The following ADAMTS12 variants were observed in gnomAD, a reference collection of about 807,000 sequenced individuals.
The protein encoded by ADAMTS12 is A disintegrin and metalloproteinase with thrombospondin motifs 12.
Under a neutral mutation model 167.8 loss-of-function variants are expected in ADAMTS12, and 118 were observed. That is an observed-to-expected ratio of 0.70 (90% CI 0.61 to 0.82). The LOEUF is 0.82. ADAMTS12 is among the 40% of genes least tolerant of loss of function. The probability of loss-of-function intolerance (pLI) is 0.00; values close to 1 mark genes in which losing one functional copy is unlikely to be tolerated. For missense variants in ADAMTS12, 1,916 were observed against 1,998.8 expected (o/e 0.96, Z 0.79); for synonymous variants, 704 against 716.9 (o/e 0.98, Z 0.29).
intron 1 of ADAMTS12, among the ~76,000 whole-genome samples, chr5:33,882,505 T>G (rs1374277258): frequency 6.6e-6 from 1 of 152,196 alleles, no homozygotes; most frequent in African/African-American, 2.4e-5. Flanking sequence ...ATTTTGATGT[T>G]TGAGAATAAC....
rs186882221 is a variant in ADAMTS12, at chr5:33,553,752, T to G, written c.4126-4369A>C. 3.8e-4 allele frequency among the ~76,000 whole-genome samples: 58 copies of G among 152,032 alleles called. 1 individual carries two copies. In the East Asian group the frequency reaches 0.011, roughly 28 times the overall value. The stretch of plus-strand genomic sequence containing the variant: ...GGAGGAGGGAGAGGATCAGGAAAAA[T>G]AACTAATGGGCACTAGGCTTAATAC... On this transcript the variant is annotated intron_variant, in intron 20 of 23. Transcript: ENST00000504830.
chr5:33,741,464 G>A lies in ADAMTS12; in HGVS notation c.634+9940C>T, dbSNP rs113945725. ...AATGACCTTATTTTAATTTAATTAG[G>A]TCTTTAAGACCCTGTCTCCAAATAC... On this transcript the variant is annotated intron_variant, in intron 3 of 23. Coordinates refer to ENST00000504830, the MANE Select transcript of ADAMTS12 (RefSeq NM_030955.4). Among the ~76,000 whole-genome samples the A allele has an allele frequency of 9.9e-3, 1,505 of 152,144 alleles. 23 individuals are homozygous for A. Among genetic ancestry groups the A allele is most frequent in the African/African-American group, 0.034 (1,393 of 41,498 alleles).
At chr5:33,810,587 A>C (rs535799426) in intron 2 of ADAMTS12, among the ~76,000 whole-genome samples, 1 of 152,326 alleles carries the variant, frequency 6.6e-6, no homozygotes, top group East Asian at 1.9e-4. Context: ...GAGTACAAAA[A>C]AAGTGAAGTA....
chr5:33,581,475 A>G (rs1042886416), intron 18 of ADAMTS12, among the ~76,000 whole-genome samples: 4 of 152,138 alleles, frequency 2.6e-5, no homozygotes, highest in Non-Finnish European at 1.5e-5. Context: ...AAGGCTCACA[A>G]TTGGCACTGA....
At chr5:33,710,181 A>T (rs1057394477) in intron 3 of ADAMTS12, among the ~76,000 whole-genome samples, 2 of 152,178 alleles carry the variant, frequency 1.3e-5, no homozygotes, top group South Asian at 4.1e-4. Context: ...ATTATTTCAG[A>T]ACTATTTTTA....
chr5:33,861,972 G>A (rs1048596274), intron 2 of ADAMTS12, among the ~76,000 whole-genome samples: 1 of 152,114 alleles, frequency 6.6e-6, no homozygotes, highest in Non-Finnish European at 1.5e-5. Context: ...GAACATCTTT[G>A]AAACCAATGA....
At chr5:33,681,858 AAGGT>A (rs1310878407) in intron 5 of ADAMTS12, among the ~76,000 whole-genome samples, 1 of 152,202 alleles carries the variant, frequency 6.6e-6, no homozygotes, top group East Asian at 1.9e-4. Context: ...AAAGACCAGA[AAGGT>A]AGATGGAGGA....
chr5:33,604,220 G>T (rs1182824343), intron 16 of ADAMTS12, among the ~76,000 whole-genome samples: 2 of 152,178 alleles, frequency 1.3e-5, no homozygotes, highest in African/African-American at 2.4e-5. Flanking sequence ...ACTAGGAATA[G>T]AAGAAAATTT....
chr5:33,588,426 A>G (rs1747465573), intron 18 of ADAMTS12, among the ~76,000 whole-genome samples, 173 bp downstream of exon 18: 1 of 152,176 alleles, frequency 6.6e-6, no homozygotes, highest in Non-Finnish European at 1.5e-5. Context: ...AAGATCCCCT[A>G]TGAATGGAAA....
intron 2 of ADAMTS12, among the ~76,000 whole-genome samples, chr5:33,876,534 A>G (rs1750233572): frequency 6.6e-6 from 1 of 152,204 alleles, no homozygotes; most frequent in African/African-American, 2.4e-5. Flanking sequence ...GCCTTTCAAC[A>G]AATGGTGCTG....
intron 19 of ADAMTS12, among the ~76,000 whole-genome samples, chr5:33,569,280 G>A (rs1170867967): frequency 2.0e-5 from 3 of 152,254 alleles, no homozygotes; most frequent in East Asian, 3.8e-4. Flanking sequence ...CTGAGAACGG[G>A]CAGACTGCCT....
chr5:33,546,909 A>G (rs537992039), intron 21 of ADAMTS12, among the ~76,000 whole-genome samples: 1 of 152,356 alleles, frequency 6.6e-6, no homozygotes, highest in African/African-American at 2.4e-5. Context: ...GGTTACAACG[A>G]TAACAATAAG....
At chr5:33,530,830 A>T (rs962358406) in intron 23 of ADAMTS12, among the ~76,000 whole-genome samples, 2 of 152,170 alleles carry the variant, frequency 1.3e-5, no homozygotes, top group Non-Finnish European at 2.9e-5. Context: ...AAGGACCTCT[A>T]GGAGGCCCCC....
chr5:33,746,453 T>A (rs1182404743), intron 3 of ADAMTS12, among the ~76,000 whole-genome samples: 13 of 152,242 alleles, frequency 8.5e-5, no homozygotes. Context: ...TTAAAAAGCA[T>A]CTCACAATTT....
chr5:33,857,265 G>A (rs1330944112), intron 2 of ADAMTS12, among the ~76,000 whole-genome samples: 3 of 152,202 alleles, frequency 2.0e-5, no homozygotes, highest in Non-Finnish European at 2.9e-5. Flanking sequence ...TGGGGGAAGC[G>A]GGAAATGGGG....
At chr5:33,543,971 T>C (rs1228365314) in intron 22 of ADAMTS12, among the ~76,000 whole-genome samples, 1 of 152,184 alleles carries the variant, frequency 6.6e-6, no homozygotes, top group Non-Finnish European at 1.5e-5. Flanking sequence ...ATGCCCTCTC[T>C]CACCACTCCT....
chr5:33,566,566 A>G (rs1746024826), intron 19 of ADAMTS12, among the ~76,000 whole-genome samples: 1 of 152,122 alleles, frequency 6.6e-6, no homozygotes, highest in Non-Finnish European at 1.5e-5. Context: ...GTTCAAATAT[A>G]TATTAGATAT....
At chr5:33,641,110 T>A (rs1383358850) in intron 11 of ADAMTS12, among the ~76,000 whole-genome samples, 1 of 151,948 alleles carries the variant, frequency 6.6e-6, no homozygotes, top group Non-Finnish European at 1.5e-5. Context: ...GGAGACAGTA[T>A]ATCAGAAAAT....
chr5:33,838,639 G>A (rs958503019), intron 2 of ADAMTS12, among the ~76,000 whole-genome samples: 1 of 152,160 alleles, frequency 6.6e-6, no homozygotes, highest in African/African-American at 2.4e-5. Flanking sequence ...CCGCGATCGT[G>A]CCACTGCGCT....
Sources: gnomAD v4.1 joint callset for allele counts (sites outside exome capture counted in the v4.1 genomes callset) on GRCh38, gnomAD v4.1.1 for gene constraint, MANE v1.5 for transcripts, NCBI Gene and HGNC (gene_info 2026-07-23, HGNC 2026-07-21) for gene names.